The following POC1B variants were observed in gnomAD, a reference collection of about 807,000 sequenced individuals.
POC1B encodes the protein POC1 centriolar protein B, also known as POC1 centriolar protein homolog B.
POC1B carries 44 observed loss-of-function variants against 60.6 expected under a neutral mutation model. The observed-to-expected ratio is 0.73, with a 90% CI of 0.57 to 0.93. The LOEUF (loss-of-function observed/expected upper bound fraction) is 0.93. Ranked by LOEUF, POC1B falls within the 40% of genes least tolerant of loss-of-function variation. POC1B has a pLI of 0.00. For missense variants in POC1B, 555 were observed against 572.3 expected (o/e 0.97, Z 0.31); for synonymous variants, 180 against 198.9 (o/e 0.90, Z 0.80).
chr12:89,473,030 A>G (rs146724527), intron 4 of POC1B, among the ~76,000 whole-genome samples: 100 of 152,344 alleles, frequency 6.6e-4, no homozygotes, highest in African/African-American at 2.3e-3. Flanking sequence ...ACAGAAAAGC[A>G]GAAGACCACA....
In POC1B at chr12:89,434,737, G is replaced by C. The variant is rs1163585449; in HGVS notation, c.1114-9358C>G. Among the ~76,000 whole-genome samples the C allele has an allele frequency of 2.6e-5, 4 of 152,170 alleles. No homozygotes were observed. The East Asian group carries it at 7.7e-4, about 29-fold the overall frequency. ...GCCATTACACTTTGAAGGGCATTCA[G>C]AGTAAGGGATCCATCCTCATTATCT... On this transcript the variant is annotated intron_variant, in intron 10 of 11. Transcript: ENST00000313546.
intron 9 of POC1B, among the ~76,000 whole-genome samples, chr12:89,462,529 C>A (rs1286541569): frequency 6.6e-6 from 1 of 152,106 alleles, no homozygotes; most frequent in Non-Finnish European, 1.5e-5. Context: ...ATTCCATAAG[C>A]CTTCACTAGA....
downstream of POC1B, among the ~76,000 whole-genome samples, chr12:89,417,479 T>C (rs1325214249): frequency 6.6e-6 from 1 of 152,264 alleles, no homozygotes; most frequent in East Asian, 1.9e-4. Context: ...CAATGTCTGA[T>C]TCGTGAGTCA....
the POC1B span, among the ~76,000 whole-genome samples, chr12:89,405,993 T>G: frequency 2.7e-5 from 4 of 150,692 alleles, no homozygotes; most frequent in Non-Finnish European, 4.4e-5. Context: ...TGAGTGTTTT[T>G]TTTTTTTTTT....
At chr12:89,491,301 A>T (rs1190447483) in intron 4 of POC1B, among the ~76,000 whole-genome samples, 1 of 152,006 alleles carries the variant, frequency 6.6e-6, no homozygotes, top group Non-Finnish European at 1.5e-5. Flanking sequence ...GAAAGGTCAC[A>T]CTTTCTGTAA....
intron 2 of POC1B, among the ~76,000 whole-genome samples, chr12:89,518,743 C>T (rs545728138): frequency 4.0e-4 from 61 of 152,018 alleles, no homozygotes; most frequent in Non-Finnish European, 7.5e-4. Context: ...TTTTTATACT[C>T]GTGAAACTGA....
chr12:89,519,360 A>C (rs1870654363), intron 2 of POC1B: 1 of 152,228 alleles, frequency 6.6e-6, no homozygotes, highest in Non-Finnish European at 1.5e-5. Flanking sequence ...CATTGCCATT[A>C]TAAATGTATA....
intron 2 of POC1B, chr12:89,523,249 T>C: frequency 1.2e-6 from 2 of 1,614,006 alleles, no homozygotes; most frequent in East Asian, 2.2e-5. Context: ...AACATGTAAA[T>C]TAGGAAAAAC....
At position 89,503,140 on chromosome 12, in the gene POC1B, T is replaced by C. The variant is rs1305211001; in HGVS notation, c.101-5798A>G. ...CCCCACGGTCTCCCTCTCCCTCTCT[T>C]TCCACAGTCTCCCTCTGATGCCCAG... is the stretch of plus-strand genomic sequence containing the variant. On this transcript the variant is annotated intron_variant, in intron 2 of 11. Coordinates refer to ENST00000313546, the MANE Select transcript of POC1B (RefSeq NM_172240.3). Among the ~76,000 whole-genome samples the C allele has an allele frequency of 5.9e-5, 9 of 151,496 alleles. No individual in the cohort carries two copies. The East Asian group carries it at 1.6e-3, about 26-fold the overall frequency.
chr12:89,521,845 A>G (rs1195137225), intron 2 of POC1B: 1 of 397,536 alleles, frequency 2.5e-6, no homozygotes, highest in Admixed American at 4.4e-5. Flanking sequence ...TGATCAGCAG[A>G]ACTCGTAGGA....
chr12:89,491,917 T>C lies in POC1B; in HGVS notation c.452+19A>G, dbSNP rs1868999852. On this transcript the variant is annotated intron_variant, in intron 4 of 11. Coordinates refer to ENST00000313546, the MANE Select transcript of POC1B (RefSeq NM_172240.3). ...GAAAAAATATGTGGACATCTTAATATGAAATTTTTTGCACTTACTTGGCAC... is the reference window on the plus strand; with the variant it reads ...GAAAAAATATGTGGACATCTTAATACGAAATTTTTTGCACTTACTTGGCAC... The C allele has an allele frequency of 6.8e-7, 1 of 1,465,374 alleles. No individual in the cohort carries two copies. The highest frequency in any genetic ancestry group is 9.1e-7 in the Non-Finnish European group (1 of 1,104,610). The allele number at this position is 1,465,374 out of a possible 1,614,324, so 90.8% of individuals were successfully genotyped here.
intron 2 of POC1B, chr12:89,501,715 A>G: frequency 1.1e-6 from 1 of 937,640 alleles, no homozygotes; most frequent in African/African-American, 1.6e-5. Context: ...ATCAGAGGAG[A>G]GTCCTGTTTA....
chr12:89,449,641 T>C (rs1396869736), intron 10 of POC1B, among the ~76,000 whole-genome samples: 1 of 152,200 alleles, frequency 6.6e-6, no homozygotes, highest in Non-Finnish European at 1.5e-5. Context: ...TCCAATGGGA[T>C]GGTTTTTTGA....
intron 2 of POC1B, chr12:89,523,272 C>G: frequency 6.2e-7 from 1 of 1,614,044 alleles, no homozygotes; most frequent in Non-Finnish European, 8.5e-7. Flanking sequence ...TTTTCAAATA[C>G]CAGTCAAAGC....
At chr12:89,421,825 T>C (rs928528343) in intron 11 of POC1B, among the ~76,000 whole-genome samples, 16 of 152,150 alleles carry the variant, frequency 1.1e-4, no homozygotes, top group African/African-American at 3.9e-4. Flanking sequence ...TTGAATAAAA[T>C]AATGCATGTA....
intron 2 of POC1B, among the ~76,000 whole-genome samples, chr12:89,505,480 A>ATG (rs1869847317): frequency 6.6e-6 from 1 of 152,212 alleles, no homozygotes; most frequent in Non-Finnish European, 1.5e-5. Context: ...CCACTGTGTT[A>ATG]AATTTTACTT....
At chr12:89,439,115 T>G (rs1245378768) in intron 10 of POC1B, among the ~76,000 whole-genome samples, 1 of 152,246 alleles carries the variant, frequency 6.6e-6, no homozygotes, top group Non-Finnish European at 1.5e-5. Flanking sequence ...CCTTCAGTTT[T>G]TGTCTGGACT....
At chr12:89,523,137 G>T in intron 2 of POC1B, 1 of 1,613,830 alleles carries the variant, frequency 6.2e-7, no homozygotes, top group East Asian at 2.2e-5. Flanking sequence ...ACAGTGAAAG[G>T]TTAGCACCTG....
chr12:89,490,694 CAG>C (rs1017384955), intron 4 of POC1B, among the ~76,000 whole-genome samples: 21 of 152,230 alleles, frequency 1.4e-4, no homozygotes, highest in African/African-American at 4.6e-4. Flanking sequence ...AGTACTTTAG[CAG>C]AGTGTCCTAT....
Sources: gnomAD v4.1 joint callset for allele counts (sites outside exome capture counted in the v4.1 genomes callset) on GRCh38, gnomAD v4.1.1 for gene constraint, MANE v1.5 for transcripts, NCBI Gene and HGNC (gene_info 2026-07-23, HGNC 2026-07-21) for gene names.